The following BABAM2 variants were observed in gnomAD, a reference collection of about 807,000 sequenced individuals.
BABAM2 encodes BRISC and BRCA1 A complex member 2, also known as BRISC and BRCA1-A complex member 2.
BABAM2 carries 31 observed loss-of-function variants against 54.7 expected under a neutral mutation model. The ratio of observed to expected loss-of-function variants is 0.57; its 90% CI spans 0.43 to 0.77. The LOEUF is 0.77. BABAM2 is among the 30% of genes least tolerant of loss of function. The pLI is 0.00. For missense variants in BABAM2, 364 were observed against 455.8 expected (o/e 0.80, Z 1.83); for synonymous variants, 167 against 162.9 (o/e 1.03, Z -0.19).
intron 6 of BABAM2, 71 bp from the exon 7 acceptor site, chr2:28,129,200 A>G (rs1573639763): frequency 7.2e-7 from 1 of 1,384,014 alleles, no homozygotes; most frequent in Non-Finnish European, 1.0e-6. Flanking sequence ...ATGCCAGTGG[A>G]CTGTGAGCTT....
At chr2:28,009,908 C>A (rs1674266317) in intron 4 of BABAM2, among the ~76,000 whole-genome samples, 1 of 152,102 alleles carries the variant, frequency 6.6e-6, no homozygotes, top group South Asian at 2.1e-4. Context: ...TCATATGATA[C>A]CACAGGACAG....
At position 28,243,600 on chromosome 2, in the gene BABAM2, G is replaced by A. The variant is rs192852057; in HGVS notation, c.852-1180G>A. ...CAGGTGCCTGTAATCCCAGCTATTC[G>A]GAAGGCTGAGGCAGGAGAATTGCCT... On this transcript the variant is annotated intron_variant, in intron 9 of 11. Transcript: ENST00000379624. Among the ~76,000 whole-genome samples, 809 of 152,060 alleles carry A rather than the reference G, an allele frequency of 5.3e-3. 7 individuals are homozygous for A. Among genetic ancestry groups the A allele is most frequent in the African/African-American group, 0.017 (719 of 41,478 alleles).
rs35403760 is a variant in BABAM2 at position 27,979,032 on chromosome 2, C to CTT, written c.206-8949_206-8948dup. ...TATATGTACCACATTTTCTTTTTTT[C>CTT]TTTTTTTTTTTTTGAGATGGAGTCT... On this transcript the variant is annotated intron_variant, in intron 3 of 11. Transcript: ENST00000379624. Among the ~76,000 whole-genome samples the CTT allele has an allele frequency of 3.1e-3, 440 of 139,782 alleles. 2 individuals carry two copies. The highest frequency in any genetic ancestry group is 5.6e-3 in the African/African-American group (211 of 37,752). The allele number at this position is 139,782 out of a possible 152,430, so 91.7% of individuals were successfully genotyped here.
chr2:27,946,136 A>G (rs181569851), intron 3 of BABAM2, among the ~76,000 whole-genome samples: 72 of 152,308 alleles, frequency 4.7e-4, no homozygotes, highest in East Asian at 3.3e-3. Context: ...TTAGTCTTTC[A>G]TCAGGTGTAA....
intron 7 of BABAM2, among the ~76,000 whole-genome samples, chr2:28,213,341 G>A (rs1215214561): frequency 6.6e-6 from 1 of 152,116 alleles, no homozygotes; most frequent in Non-Finnish European, 1.5e-5. Flanking sequence ...TACTATATAG[G>A]AGCTTTCTTG....
intron 7 of BABAM2, among the ~76,000 whole-genome samples, chr2:28,151,986 A>T (rs1672095794): frequency 6.7e-6 from 1 of 149,850 alleles, no homozygotes; most frequent in Admixed American, 6.7e-5. Flanking sequence ...TGGCACTGTG[A>T]ATAAGTGATA....
At chr2:28,209,200 A>G (rs1405773721) in intron 7 of BABAM2, among the ~76,000 whole-genome samples, 2 of 152,184 alleles carry the variant, frequency 1.3e-5, no homozygotes, top group Non-Finnish European at 2.9e-5. Flanking sequence ...AGCTAGGAGT[A>G]TGTGTCCATA....
At chr2:27,929,429 G>A (rs1019122296) in intron 2 of BABAM2, among the ~76,000 whole-genome samples, 5 of 152,058 alleles carry the variant, frequency 3.3e-5, no homozygotes, top group African/African-American at 1.2e-4. Context: ...GCTCTTTTTT[G>A]TACTAACAGA....
At chr2:28,101,463 T>G (rs1667075266) in intron 6 of BABAM2, among the ~76,000 whole-genome samples, 1 of 152,146 alleles carries the variant, frequency 6.6e-6, no homozygotes, top group Admixed American at 6.5e-5. Flanking sequence ...ACTGAGATGA[T>G]GATAATTTTA....
rs1200530926 is a variant in BABAM2 at position 27,982,269 on chromosome 2, T to G, written c.206-5724T>G. Among the ~76,000 whole-genome samples the G allele has an allele frequency of 9.2e-5, 14 of 152,260 alleles. No individual in the cohort carries two copies. In the South Asian group the frequency reaches 2.9e-3, roughly 32 times the overall value. On this transcript the variant is annotated intron_variant, in intron 3 of 11. Transcript: ENST00000379624. Reference sequence around the variant, plus strand: ...GGGTACAAGTCCTTTATTAGCTATGTGATTTGCAAAATTATCTCCCTGTGG... The same window carrying G: ...GGGTACAAGTCCTTTATTAGCTATGGGATTTGCAAAATTATCTCCCTGTGG...
chr2:28,307,704 G>T (rs1688682550), intron 11 of BABAM2: 2 of 151,598 alleles, frequency 1.3e-5, no homozygotes, highest in South Asian at 4.2e-4. Context: ...TTATTACTTT[G>T]GCTTTTAATA....
intron 11 of BABAM2, among the ~76,000 whole-genome samples, chr2:28,336,188 C>T (rs1691448948): frequency 6.6e-6 from 1 of 152,010 alleles, no homozygotes; most frequent in African/African-American, 2.4e-5. Flanking sequence ...GCAGTGCCAT[C>T]GAAAGATAAG....
chr2:28,089,357 A>G (rs948872613), intron 6 of BABAM2, among the ~76,000 whole-genome samples: 1 of 152,170 alleles, frequency 6.6e-6, no homozygotes, highest in Non-Finnish European at 1.5e-5. Flanking sequence ...TCCATTTAAC[A>G]ACTATGTCTT....
At chr2:27,997,337 A>G (rs1169104519) in intron 4 of BABAM2, among the ~76,000 whole-genome samples, 2 of 152,196 alleles carry the variant, frequency 1.3e-5, no homozygotes, top group Admixed American at 6.5e-5. Context: ...ATTTTGGTGG[A>G]GAACTGGTTT....
At chr2:28,067,326 G>C (rs957636053) in intron 6 of BABAM2, among the ~76,000 whole-genome samples, 3 of 152,190 alleles carry the variant, frequency 2.0e-5, no homozygotes, top group Non-Finnish European at 4.4e-5. Context: ...AATAGCTCTT[G>C]AATGTTATTA....
At chr2:28,027,484 G>C (rs1431419032) in intron 5 of BABAM2, among the ~76,000 whole-genome samples, 1 of 152,080 alleles carries the variant, frequency 6.6e-6, no homozygotes, top group Non-Finnish European at 1.5e-5. Context: ...CCCACCTCCA[G>C]CCCTAGTCAA....
intron 10 of BABAM2, among the ~76,000 whole-genome samples, chr2:28,263,423 A>G (rs990931694): frequency 2.6e-5 from 4 of 152,178 alleles, no homozygotes; most frequent in African/African-American, 4.8e-5. Flanking sequence ...AACCAAGACC[A>G]TCTGATTCCA....
chr2:28,140,505 G>A (rs1037600550), intron 7 of BABAM2, among the ~76,000 whole-genome samples: 1 of 151,978 alleles, frequency 6.6e-6, no homozygotes, highest in African/African-American at 2.4e-5. Context: ...CCATAGAACT[G>A]TATATCACAA....
chr2:28,147,765 G>A (rs549606476), intron 7 of BABAM2, among the ~76,000 whole-genome samples: 4 of 152,232 alleles, frequency 2.6e-5, no homozygotes, highest in Non-Finnish European at 2.9e-5. Context: ...GAGCCACTGC[G>A]CCCGGCCTCC....
Sources: gnomAD v4.1 joint callset for allele counts (sites outside exome capture counted in the v4.1 genomes callset) on GRCh38, gnomAD v4.1.1 for gene constraint, MANE v1.5 for transcripts, NCBI Gene and HGNC (gene_info 2026-07-23, HGNC 2026-07-21) for gene names.